Variants in PRKCA observed in about 807,000 individuals in gnomAD.
The protein encoded by PRKCA is protein kinase C alpha type.
Under a neutral mutation model 87.0 loss-of-function variants are expected in PRKCA, and 27 were observed. That is an observed-to-expected ratio of 0.31 (90% CI 0.23 to 0.43). PRKCA has a LOEUF of 0.43. Among genes scored for constraint, PRKCA ranks in the 20% least tolerant of loss-of-function variants. The probability of loss-of-function intolerance (pLI) is 1.00; values close to 1 mark genes in which losing one functional copy is unlikely to be tolerated. For synonymous variants in PRKCA, 329 were observed against 311.1 expected (o/e 1.06, Z -0.61); for missense variants, 518 against 852.3 (o/e 0.61, Z 4.88).
In PRKCA at chr17:66,526,156, A is replaced by G. The variant is rs145427356; in HGVS notation, c.288+29873A>G. Among the ~76,000 whole-genome samples the G allele has an allele frequency of 2.8e-3, 434 of 152,380 alleles. 1 individual carries two copies. The highest frequency in any genetic ancestry group is 0.01 in the African/African-American group (418 of 41,592). On this transcript the variant is annotated intron_variant, in intron 3 of 16. Coordinates refer to ENST00000413366, the MANE Select transcript of PRKCA (RefSeq NM_002737.3). The stretch of plus-strand genomic sequence containing the variant: ...ATAACTATGAGGAAATCTTGAGAAC[A>G]TTTATTAGTAATTAAATATATAGCT...
chr17:66,455,564 C>A (rs1049748026), intron 2 of PRKCA, among the ~76,000 whole-genome samples: 1 of 152,186 alleles, frequency 6.6e-6, no homozygotes, highest in African/African-American at 2.4e-5. Context: ...CACTGATTAA[C>A]TTTTAAAGGT....
chr17:66,510,858 T>C (rs1779344298), intron 3 of PRKCA, among the ~76,000 whole-genome samples: 1 of 152,086 alleles, frequency 6.6e-6, no homozygotes, highest in Non-Finnish European at 1.5e-5. Flanking sequence ...GTAATTCTCC[T>C]ACCTCAGCTT....
At chr17:66,477,147 T>C (rs1567848798) in intron 2 of PRKCA, among the ~76,000 whole-genome samples, 1 of 152,068 alleles carries the variant, frequency 6.6e-6, no homozygotes, top group Non-Finnish European at 1.5e-5. Flanking sequence ...GAAACATAAA[T>C]GCCCACGGAT....
intron 2 of PRKCA, among the ~76,000 whole-genome samples, chr17:66,473,837 G>T (rs982830647): frequency 3.9e-5 from 6 of 152,114 alleles, no homozygotes; most frequent in Non-Finnish European, 5.9e-5. Context: ...GGGAGGCTGA[G>T]GCAGGAGAAT....
intron 11 of PRKCA, among the ~76,000 whole-genome samples, chr17:66,740,875 C>A (rs974573313): frequency 6.6e-6 from 1 of 152,152 alleles, no homozygotes; most frequent in African/African-American, 2.4e-5. Context: ...TCACCCTCCC[C>A]CTTTCTGTAC....
intron 3 of PRKCA, among the ~76,000 whole-genome samples, chr17:66,509,079 G>GTTT (rs1567865634): frequency 4.6e-5 from 7 of 152,000 alleles, no homozygotes; most frequent in African/African-American, 1.7e-4. Flanking sequence ...GCTTCCCCTG[G>GTTT]CGCTGTGTTT....
At chr17:66,580,291 G>A (rs1450203080) in intron 3 of PRKCA, among the ~76,000 whole-genome samples, 1 of 152,144 alleles carries the variant, frequency 6.6e-6, no homozygotes, top group Admixed American at 6.6e-5. Flanking sequence ...ACATTCTTAG[G>A]GAGTCAAGAG....
chr17:66,594,907 A>G lies in PRKCA; in HGVS notation c.289-46448A>G, dbSNP rs1598802133. Among the ~76,000 whole-genome samples, 3 of 152,196 alleles carry G rather than the reference A, an allele frequency of 2.0e-5. No individual in the cohort carries two copies. In the South Asian group the frequency reaches 6.2e-4, roughly 32 times the overall value. ...TAATTAATGTCTGTGTTAGTTTCCT[A>G]GGGCTGCCATAACAAATTGCCACAT... On this transcript the variant is annotated intron_variant, in intron 3 of 16. Coordinates refer to ENST00000413366, the MANE Select transcript of PRKCA (RefSeq NM_002737.3).
intron 13 of PRKCA, among the ~76,000 whole-genome samples, chr17:66,755,220 C>T (rs377658769): frequency 1.3e-5 from 2 of 152,190 alleles, no homozygotes; most frequent in Admixed American, 6.5e-5. Context: ...CTCTGAGGAT[C>T]GCAGAAAATC....
At chr17:66,453,995 G>C (rs80162292) in intron 2 of PRKCA, among the ~76,000 whole-genome samples, 6,883 of 152,270 alleles carry the variant, frequency 0.045, 229 homozygotes, top group Admixed American at 0.11. Context: ...TGTCAGAATT[G>C]GATGTGAAGC....
chr17:66,802,097 C>T (rs1052132135), intron 16 of PRKCA, among the ~76,000 whole-genome samples: 7 of 152,044 alleles, frequency 4.6e-5, no homozygotes, highest in Admixed American at 2.0e-4. Context: ...GGTGCGCACC[C>T]GCAGTCCCAG....
intron 3 of PRKCA, among the ~76,000 whole-genome samples, chr17:66,502,408 T>C (rs1047076413): frequency 2.0e-5 from 3 of 152,070 alleles, no homozygotes; most frequent in Non-Finnish European, 4.4e-5. Flanking sequence ...CTAATTTTTG[T>C]ATTTTTAGTA....
intron 2 of PRKCA, among the ~76,000 whole-genome samples, chr17:66,449,898 G>A (rs937059491): frequency 1.3e-5 from 2 of 152,082 alleles, no homozygotes; most frequent in African/African-American, 2.4e-5. Flanking sequence ...TCTGCCATGC[G>A]CTTCAGTTTG....
At chr17:66,659,236 G>T (rs1255504480) in intron 5 of PRKCA, among the ~76,000 whole-genome samples, 1 of 152,176 alleles carries the variant, frequency 6.6e-6, no homozygotes. Flanking sequence ...CTCTGCAAAT[G>T]GATGAGGCCT....
intron 2 of PRKCA, among the ~76,000 whole-genome samples, chr17:66,380,759 T>C (rs1476643120): frequency 7.9e-5 from 12 of 152,120 alleles, no homozygotes. Flanking sequence ...TAGAACTGGG[T>C]AGCAGAGTGT....
chr17:66,516,051 A>T (rs1251488547), intron 3 of PRKCA, among the ~76,000 whole-genome samples: 1 of 152,100 alleles, frequency 6.6e-6, no homozygotes, highest in Non-Finnish European at 1.5e-5. Context: ...ATACTTCCTG[A>T]TAGTAGATAT....
chr17:66,540,462 C>T (rs143066897), intron 3 of PRKCA, among the ~76,000 whole-genome samples: 6 of 152,226 alleles, frequency 3.9e-5, no homozygotes, highest in Admixed American at 6.5e-5. Flanking sequence ...CAAAGAGGGA[C>T]GTCTCCCGAG....
chr17:66,747,577 A>T (rs940490356), intron 13 of PRKCA, among the ~76,000 whole-genome samples: 16 of 152,208 alleles, frequency 1.1e-4, no homozygotes, highest in Non-Finnish European at 1.9e-4. Context: ...TGGTAAGAGC[A>T]AAGGTGGGAT....
At chr17:66,783,027 C>T (rs1443132398) in intron 14 of PRKCA, among the ~76,000 whole-genome samples, 1 of 152,216 alleles carries the variant, frequency 6.6e-6, no homozygotes, top group Non-Finnish European at 1.5e-5. Flanking sequence ...CCACGATGCT[C>T]CTGCCTTATT....
Sources: gnomAD v4.1 joint callset for allele counts (sites outside exome capture counted in the v4.1 genomes callset) on GRCh38, gnomAD v4.1.1 for gene constraint, MANE v1.5 for transcripts, NCBI Gene and HGNC (gene_info 2026-07-23, HGNC 2026-07-21) for gene names.